The following TENM3 variants were observed in gnomAD, a reference collection of about 807,000 sequenced individuals.
TENM3 encodes teneurin-3.
A neutral mutation model predicts 255.1 loss-of-function variants in TENM3; 63 were observed. The ratio of observed to expected loss-of-function variants is 0.25; its 90% confidence interval spans 0.20 to 0.30. The LOEUF (loss-of-function observed/expected upper bound fraction) is 0.30, where lower values mean the gene tolerates loss of function less well. TENM3 is among the 10% of genes least tolerant of loss of function. TENM3 has a pLI of 1.00. For synonymous variants in TENM3, 1,306 were observed against 1,322.3 expected (o/e 0.99, Z 0.27); for missense variants, 2,929 against 3,461.1 (o/e 0.85, Z 3.86).
At chr4:181,626,521 G>T in the TENM3 span, among the ~76,000 whole-genome samples, 1 of 152,064 alleles carries the variant, frequency 6.6e-6, no homozygotes, top group African/African-American at 2.4e-5. Flanking sequence ...CATGGCGGAA[G>T]GGGAAGTGGA....
intron 3 of TENM3, among the ~76,000 whole-genome samples, chr4:182,427,964 C>A (rs1418095708): frequency 3.3e-5 from 5 of 150,322 alleles, no homozygotes; most frequent in African/African-American, 1.2e-4. Flanking sequence ...TTTTTTTTGC[C>A]AACTTGCTGA....
intron 6 of TENM3, among the ~76,000 whole-genome samples, chr4:182,666,924 A>G (rs1754740407): frequency 6.6e-6 from 1 of 152,010 alleles, no homozygotes; most frequent in African/African-American, 2.4e-5. Context: ...AAATAATGCT[A>G]TTGCACACTT....
the TENM3 span, among the ~76,000 whole-genome samples, chr4:181,810,496 T>C: frequency 1.4e-4 from 21 of 151,942 alleles, no homozygotes; most frequent in Non-Finnish European, 2.4e-4. Context: ...GTGAGTGCAG[T>C]ATGTTTCTGC....
the TENM3 span, among the ~76,000 whole-genome samples, chr4:181,752,058 C>T: frequency 4.9e-3 from 740 of 152,204 alleles, 8 homozygotes; most frequent in Middle Eastern, 0.01. Context: ...CTTTTAAACT[C>T]GTTAGCTTAA....
chr4:182,635,409 C>T (rs975812593), intron 5 of TENM3, among the ~76,000 whole-genome samples: 2 of 152,168 alleles, frequency 1.3e-5, no homozygotes, highest in Non-Finnish European at 2.9e-5. Context: ...TCCCTGCATC[C>T]TTTAACAGTC....
At chr4:182,499,644 T>C (rs562228923) in intron 3 of TENM3, among the ~76,000 whole-genome samples, 1 of 152,318 alleles carries the variant, frequency 6.6e-6, no homozygotes, top group South Asian at 2.1e-4. Flanking sequence ...TCATCTTCAT[T>C]ACTTGTCCTA....
At chr4:181,824,136 C>G in the TENM3 span, among the ~76,000 whole-genome samples, 1 of 152,134 alleles carries the variant, frequency 6.6e-6, no homozygotes, top group Non-Finnish European at 1.5e-5. Context: ...GAGTCTCACT[C>G]TGCCACTCAG....
At position 182,793,961 on chromosome 4, in the gene TENM3, T is replaced by C; in HGVS notation, c.7213+76T>C. 7.4e-7 allele frequency: 1 copy of C among 1,358,592 alleles called. No homozygotes were observed. Among genetic ancestry groups the C allele is most frequent in the Admixed American group, 2.8e-5 (1 of 36,328 alleles). 84.2% of individuals were successfully genotyped at this position (1,358,592 alleles called of 1,614,324 possible). On this transcript the variant is annotated intron_variant, in intron 26 of 27. Transcript: ENST00000511685. The surrounding 1 kb of genome is among the most constrained non-coding windows in gnomAD (Gnocchi z 5.7). Reference sequence around the variant, plus strand: ...TAATACACAAAATAACTGGAAATGCTTTTTTAAAAAACTTTATACTTTACT... The same window carrying C: ...TAATACACAAAATAACTGGAAATGCCTTTTTAAAAAACTTTATACTTTACT...
At chr4:182,046,769 A>G in the TENM3 span, among the ~76,000 whole-genome samples, 4 of 152,126 alleles carry the variant, frequency 2.6e-5, no homozygotes, top group African/African-American at 7.2e-5. Flanking sequence ...ATATAACACA[A>G]TAATTTCTGC....
the TENM3 span, among the ~76,000 whole-genome samples, chr4:181,819,605 G>A: frequency 6.6e-6 from 1 of 152,176 alleles, no homozygotes; most frequent in East Asian, 1.9e-4. Flanking sequence ...ATTTTCCACA[G>A]ATGGAGGGTG....
chr4:181,620,193 C>T, the TENM3 span, among the ~76,000 whole-genome samples: 12 of 151,868 alleles, frequency 7.9e-5, no homozygotes, highest in Admixed American at 2.0e-4. Flanking sequence ...CCCAGGAAAT[C>T]GAGGCTGCAG....
the TENM3 span, among the ~76,000 whole-genome samples, chr4:181,726,090 A>T: frequency 6.6e-6 from 1 of 152,168 alleles, no homozygotes; most frequent in African/African-American, 2.4e-5. Flanking sequence ...ATTAGAAAAT[A>T]CAAATATTCA....
the TENM3 span, among the ~76,000 whole-genome samples, chr4:181,844,670 AAAAATAAAAT>A: frequency 6.6e-6 from 1 of 151,794 alleles, no homozygotes; most frequent in African/African-American, 2.4e-5. Context: ...TCCGTCTCAA[AAAAATAAAAT>A]AAAATAAAAT....
At chr4:181,832,400 C>T in the TENM3 span, among the ~76,000 whole-genome samples, 2 of 152,146 alleles carry the variant, frequency 1.3e-5, no homozygotes, top group Non-Finnish European at 2.9e-5. Context: ...CTAATTCTAA[C>T]TAGCTTAAAG....
chr4:181,652,325 A>G, the TENM3 span, among the ~76,000 whole-genome samples: 2 of 152,154 alleles, frequency 1.3e-5, no homozygotes, highest in African/African-American at 2.4e-5. Flanking sequence ...TAAGATATAC[A>G]GGCTATTCCA....
the TENM3 span, among the ~76,000 whole-genome samples, chr4:182,087,392 C>G: frequency 6.6e-6 from 1 of 152,312 alleles, no homozygotes; most frequent in African/African-American, 2.4e-5. Flanking sequence ...CTGTGTCCAA[C>G]TTGTACTGAA....
intron 1 of TENM3, among the ~76,000 whole-genome samples, chr4:182,152,678 T>C (rs1434866523): frequency 6.6e-6 from 1 of 151,872 alleles, no homozygotes; most frequent in African/African-American, 2.4e-5. Context: ...ATTTAAAAAA[T>C]TACACATGTG....
intron 4 of TENM3, among the ~76,000 whole-genome samples, chr4:182,615,616 C>T (rs548081702): frequency 4.6e-5 from 7 of 151,228 alleles, no homozygotes; most frequent in South Asian, 2.1e-4. Context: ...CCAGTACACA[C>T]GGTAGATACT....
the TENM3 span, among the ~76,000 whole-genome samples, chr4:181,759,530 T>C: frequency 8.5e-5 from 13 of 152,182 alleles, no homozygotes; most frequent in African/African-American, 3.1e-4. Flanking sequence ...AAGTGGAAAA[T>C]GTTCTGTTCA....
Sources: gnomAD v4.1 joint callset for allele counts (sites outside exome capture counted in the v4.1 genomes callset) on GRCh38, gnomAD v4.1.1 for gene constraint, Gnocchi (gnomAD v3.1) non-coding constraint, MANE v1.5 for transcripts, NCBI Gene and HGNC (gene_info 2026-07-23, HGNC 2026-07-21) for gene names.